MAP2K6: variants seen among roughly 807,000 people sequenced by gnomAD.
The protein encoded by MAP2K6 is dual specificity mitogen-activated protein kinase kinase 6.
MAP2K6 carries 16 observed loss-of-function variants against 53.7 expected under a neutral mutation model. The observed-to-expected ratio is 0.30, with a 90% CI of 0.20 to 0.45. The LOEUF (loss-of-function observed/expected upper bound fraction) is 0.45, where lower values mean the gene tolerates loss of function less well. MAP2K6 is among the 20% of genes least tolerant of loss of function. The pLI is 1.00. For synonymous variants in MAP2K6, 132 were observed against 143.1 expected, an observed-to-expected ratio of 0.92 and a Z score of 0.55; for missense variants, 204 against 411.9, an observed-to-expected ratio of 0.50 and a Z score of 4.37.
chr17:69,532,286 G>C (rs2036153456), intron 10 of MAP2K6, among the ~76,000 whole-genome samples: 1 of 152,198 alleles, frequency 6.6e-6, no homozygotes, highest in Admixed American at 6.5e-5. Flanking sequence ...TTTATTCTGT[G>C]GATGTACCAA....
chr17:69,540,306 C>G (rs1477180945), intron 11 of MAP2K6, among the ~76,000 whole-genome samples: 15 of 152,146 alleles, frequency 9.9e-5, no homozygotes, highest in Admixed American at 9.8e-4. Context: ...TGTAAAAATG[C>G]TTACATTTAG....
intron 2 of MAP2K6, 45 bp from the exon 3 acceptor site, chr17:69,516,810 G>T: frequency 2.2e-6 from 3 of 1,394,192 alleles, no homozygotes; most frequent in South Asian, 1.2e-5. Context: ...GGACATAATT[G>T]ACTCAATAGC....
At chr17:69,419,323 T>C (rs926057912) in intron 1 of MAP2K6, among the ~76,000 whole-genome samples, 1 of 152,216 alleles carries the variant, frequency 6.6e-6, no homozygotes, top group African/African-American at 2.4e-5. Flanking sequence ...AGGGCATGTA[T>C]AGATATATTG....
At chr17:69,426,471 ACT>A (rs1906279596) in intron 1 of MAP2K6, among the ~76,000 whole-genome samples, 1 of 152,090 alleles carries the variant, frequency 6.6e-6, no homozygotes, top group Admixed American at 6.5e-5. Flanking sequence ...TTGCTATAGT[ACT>A]CTCTCTATAA....
intron 1 of MAP2K6, among the ~76,000 whole-genome samples, chr17:69,455,695 T>C (rs565542469): frequency 1.3e-5 from 2 of 152,236 alleles, no homozygotes; most frequent in African/African-American, 4.8e-5. Context: ...ATATGGTCTC[T>C]GCATATTCTT....
chr17:69,428,742 C>T (rs1773692868), intron 1 of MAP2K6, among the ~76,000 whole-genome samples: 1 of 151,956 alleles, frequency 6.6e-6, no homozygotes, highest in African/African-American at 2.4e-5. Flanking sequence ...GAGGAAGGAC[C>T]TTAAGTTGGT....
At chr17:69,447,808 G>A (rs994815410) in intron 1 of MAP2K6, among the ~76,000 whole-genome samples, 1 of 152,194 alleles carries the variant, frequency 6.6e-6, no homozygotes, top group African/African-American at 2.4e-5. Context: ...GTTAATGAAG[G>A]TGTACTAGGA....
chr17:69,442,816 C>T (rs1405680788), intron 1 of MAP2K6, among the ~76,000 whole-genome samples: 8 of 152,194 alleles, frequency 5.3e-5, no homozygotes, highest in Non-Finnish European at 2.9e-5. Context: ...ATCTCAGTTT[C>T]CCCATCTGTA....
intron 2 of MAP2K6, among the ~76,000 whole-genome samples, chr17:69,516,186 A>C (rs2521352): frequency 6.6e-6 from 1 of 151,518 alleles, no homozygotes; most frequent in Admixed American, 6.6e-5. Flanking sequence ...ATGTAGAATC[A>C]ATGGGAGCCT....
intron 11 of MAP2K6, among the ~76,000 whole-genome samples, chr17:69,537,696 A>G (rs1049842221): frequency 6.6e-6 from 1 of 152,246 alleles, no homozygotes; most frequent in Non-Finnish European, 1.5e-5. Context: ...ATTGGAGATG[A>G]GACCATCTCA....
intron 1 of MAP2K6, among the ~76,000 whole-genome samples, chr17:69,480,073 A>G (rs1468337369): frequency 6.6e-6 from 1 of 152,146 alleles, no homozygotes; most frequent in East Asian, 1.9e-4. Context: ...TGATATTCCC[A>G]GGTTGAATTT....
chr17:69,474,338 C>T (rs897495289), intron 1 of MAP2K6, among the ~76,000 whole-genome samples: 3 of 152,146 alleles, frequency 2.0e-5, no homozygotes, highest in African/African-American at 7.2e-5. Context: ...TGCTTCGTGG[C>T]TTTTGTCTTG....
chr17:69,484,517 C>T (rs573064279), intron 1 of MAP2K6, among the ~76,000 whole-genome samples: 44 of 152,008 alleles, frequency 2.9e-4, no homozygotes, highest in Non-Finnish European at 2.8e-4. Context: ...AACAGGTTGG[C>T]AGGTTCAGGA....
rs188105579 is a variant in MAP2K6, at chr17:69,488,487, A to G, written c.17-17293A>G. On this transcript the variant is annotated intron_variant, in intron 1 of 11. Coordinates refer to ENST00000590474, the MANE Select transcript of MAP2K6 (RefSeq NM_002758.4). ...CATGCCCACATATGTTCCTTGCAGC[A>G]CTATTCACAGTAGTAAAGACATGGA... 2.0e-5 allele frequency among the ~76,000 whole-genome samples: 3 copies of G among 152,350 alleles called. No individual in the cohort carries two copies. The East Asian group carries it at 5.8e-4, about 29-fold the overall frequency.
Position 69,414,906 on chromosome 17 carries a change from T to G in MAP2K6, c.-79T>G. ...AGATTGCACGCCTGCAGCTTGCATC[T>G]TTGTTGCAAAACTAGCTACAGAAGA... is the stretch of plus-strand genomic sequence containing the variant. On this transcript the variant is annotated 5_prime_UTR_variant, in exon 1 of 12. Transcript: ENST00000590474. 2 of 1,369,526 alleles carry G rather than the reference T, an allele frequency of 1.5e-6. No homozygotes were observed. Among genetic ancestry groups the G allele is most frequent in the South Asian group, 1.2e-5 (1 of 83,946 alleles). The allele number at this position is 1,369,526 out of a possible 1,614,324, so 84.8% of individuals were successfully genotyped here.
chr17:69,472,096 G>A (rs1908000384), intron 1 of MAP2K6, among the ~76,000 whole-genome samples: 1 of 152,066 alleles, frequency 6.6e-6, no homozygotes, highest in Non-Finnish European at 1.5e-5. Context: ...GTAAAGCTGA[G>A]TGACTTAACA....
intron 2 of MAP2K6, among the ~76,000 whole-genome samples, chr17:69,508,041 GTTTTTTTT>G (rs71144698): frequency 3.3e-4 from 15 of 44,874 alleles, no homozygotes; most frequent in Non-Finnish European, 4.2e-4. Context: ...TATATATGTA[GTTTTTTTT>G]TTTTTTTTTT....
At chr17:69,509,559 T>C (rs951048509) in intron 2 of MAP2K6, among the ~76,000 whole-genome samples, 1 of 152,150 alleles carries the variant, frequency 6.6e-6, no homozygotes, top group African/African-American at 2.4e-5. Flanking sequence ...AGTCATGGCA[T>C]CTGTAAATGG....
At chr17:69,426,797 T>TA (rs202039805) in intron 1 of MAP2K6, among the ~76,000 whole-genome samples, 25 of 146,362 alleles carry the variant, frequency 1.7e-4, no homozygotes, top group Middle Eastern at 3.5e-3. Context: ...TAGAAGGATT[T>TA]AAAAAAAAAA....
Sources: allele counts gnomAD v4.1 joint callset (sites outside exome capture counted in the v4.1 genomes callset), GRCh38; gene constraint gnomAD v4.1.1; transcripts MANE v1.5; gene names NCBI Gene and HGNC (gene_info 2026-07-23, HGNC 2026-07-21).